Variants in DGKQ observed in about 807,000 individuals in gnomAD.
The protein encoded by DGKQ is diacylglycerol kinase theta, also known as DAG kinase theta.
In DGKQ, 97 loss-of-function variants were observed where a neutral mutation model predicts 104.2. That is an observed-to-expected ratio of 0.93 (90% CI 0.79 to 1.10). The LOEUF is 1.10. DGKQ is among the 50% of genes least tolerant of loss of function. The pLI is 0.00. For missense variants in DGKQ, 1,465 were observed against 1,352.1 expected (o/e 1.08, Z -1.31); for synonymous variants, 736 against 595.2 (o/e 1.24, Z -3.44).
In DGKQ at chr4:960,400, C is replaced by G. The variant is rs1216745784; in HGVS notation, c.*220G>C. On this transcript the variant is annotated 3_prime_UTR_variant, in exon 23 of 23. Coordinates refer to ENST00000273814, the MANE Select transcript of DGKQ (RefSeq NM_001347.4). ...ACGGGGTAACACTGCCACCCGCACA[C>G]CAGTCTCCAGTGGGATGAGGGCTGT... is the stretch of plus-strand genomic sequence containing the variant. 1.5e-5 allele frequency: 9 copies of G among 587,198 alleles called. No homozygotes were observed. The highest frequency in any genetic ancestry group is 2.4e-5 in the Non-Finnish European group (8 of 327,438). 36.4% of individuals were successfully genotyped at this position (587,198 alleles called of 1,614,324 possible).
In DGKQ at chr4:967,807, G is replaced by T. The variant is rs370072017; in HGVS notation, c.812-5C>A. The stretch of plus-strand genomic sequence containing the variant: ...CGGCGCCGTCGCCCCCCTCGCCTGC[G>T]GGTCGGGCACACGGACCCCTCATTC... On this transcript the variant is annotated splice_polypyrimidine_tract_variant and splice_region_variant and intron_variant, in intron 6 of 22. Transcript: ENST00000273814. 1 of 1,593,960 alleles carries T rather than the reference G, an allele frequency of 6.3e-7. No individual in the cohort carries two copies. Among genetic ancestry groups the T allele is most frequent in the South Asian group, 1.1e-5 (1 of 88,952 alleles).
At chr4:963,887 C>T (rs1045272620) in intron 15 of DGKQ, among the ~76,000 whole-genome samples, 7 of 152,146 alleles carry the variant, frequency 4.6e-5, no homozygotes. Flanking sequence ...CGACAGGAGG[C>T]TAGGGACCCT....
rs187117518 is a variant in DGKQ at position 960,597 on chromosome 4, C to A, written c.*23G>T. 12,276 of 1,600,968 alleles carry A rather than the reference C, an allele frequency of 7.7e-3. 63 individuals are homozygous for A. The highest frequency in any genetic ancestry group is 9.4e-3 in the Non-Finnish European group (11,011 of 1,171,834). On this transcript the variant is annotated 3_prime_UTR_variant, in exon 23 of 23. Transcript: ENST00000273814. ...CTGGCGGGAGCAGAGATGGCTCGAG[C>A]CCTTGGGCTGCCCCAGCCACCCCTA... is the stretch of plus-strand genomic sequence containing the variant.
Position 967,118 on chromosome 4 carries a change from C to T in DGKQ, c.1220+11G>A. 6.4e-7 allele frequency: 1 copy of T among 1,570,014 alleles called. No homozygotes were observed. The highest frequency in any genetic ancestry group is 8.6e-7 in the Non-Finnish European group (1 of 1,156,100). ...CGCCCAGCAGACCCTGAGCCTCGGG[C>T]CCAGTCTCACTTGAGCCAGCCAGGG... is the stretch of plus-strand genomic sequence containing the variant. On this transcript the variant is annotated intron_variant, in intron 9 of 22. Coordinates refer to ENST00000273814, the MANE Select transcript of DGKQ (RefSeq NM_001347.4).
chr4:968,602 C>T lies in DGKQ; in HGVS notation c.452-38G>A. On this transcript the variant is annotated intron_variant, in intron 3 of 22. Transcript: ENST00000273814. Reference sequence around the variant, plus strand: ...CAGGGTTAGAGGTGTCTGCCGCCCCCGGAGGACCCCTGCCTCTGCCGGTGC... The same window carrying T: ...CAGGGTTAGAGGTGTCTGCCGCCCCTGGAGGACCCCTGCCTCTGCCGGTGC... 6 of 1,549,932 alleles carry T rather than the reference C, an allele frequency of 3.9e-6. No individual in the cohort carries two copies. The South Asian group carries it at 4.8e-5, about 12-fold the overall frequency.
At chr4:963,321 G>A in intron 15 of DGKQ, 31 bp from the exon 16 acceptor site, 4 of 1,577,014 alleles carry the variant, frequency 2.5e-6, no homozygotes, top group Non-Finnish European at 3.5e-6. Context: ...TTAGGATGGG[G>A]ACCCAAGGTG....
rs1340723185 is a variant in DGKQ at position 970,153 on chromosome 4, G to A, written c.351+840C>T. ...GGAACTGCATCATTAGGAACAGGGC[G>A]TCAGACATTAGAGGGGACGGCGCAG... On this transcript the variant is annotated intron_variant, in intron 2 of 22. Transcript: ENST00000273814. Among the ~76,000 whole-genome samples, 4 of 152,342 alleles carry A rather than the reference G, an allele frequency of 2.6e-5. No individual in the cohort carries two copies. In the East Asian group the frequency reaches 7.7e-4, roughly 29 times the overall value.
intron 22 of DGKQ, 78 bp downstream of exon 22, chr4:960,971 C>T: frequency 1.3e-6 from 2 of 1,573,540 alleles, no homozygotes; most frequent in Admixed American, 1.9e-5. Flanking sequence ...GCCAGCACCA[C>T]CTGGGTACCA....
rs41286665 is a variant in DGKQ at position 969,021 on chromosome 4, G to T, written c.352-111C>A. 1,759 of 704,792 alleles carry T rather than the reference G, an allele frequency of 2.5e-3. 6 individuals carry two copies. The highest frequency in any genetic ancestry group is 4.0e-3 in the Middle Eastern group (16 of 4,012). 43.7% of individuals were successfully genotyped at this position (704,792 alleles called of 1,614,324 possible). ...GCAGCTCACGCTCCTGCTGAGAACT[G>T]CCCAGGCTGAGCCAGCTGTGCTAGC... On this transcript the variant is annotated intron_variant, in intron 2 of 22. Transcript: ENST00000273814.
Position 966,731 on chromosome 4 carries a change from A to C in DGKQ, c.1366+17T>G. ...AGGTGCAGGGACCGCCACGCCCAGC[A>C]CGGGCTGTCTACTCACCGTGCCTGC... On this transcript the variant is annotated intron_variant, in intron 11 of 22. Coordinates refer to ENST00000273814, the MANE Select transcript of DGKQ (RefSeq NM_001347.4). 1 of 1,603,370 alleles carries C rather than the reference A, an allele frequency of 6.2e-7. No homozygotes were observed. The highest frequency in any genetic ancestry group is 1.3e-5 in the African/African-American group (1 of 74,804).
Position 961,774 on chromosome 4 carries a change from G to A in DGKQ, c.2376C>T (p.Ser792=). ...CCTGCAGCCGGATCTGCTTGTGCAG[G>A]CTCCGAGAGTGACTGATCTTCTGCA... ...VGLQKISHSR[S]LHKQIRLQVE... is the part of the protein sequence containing the mutation. The change falls in exon 20 of 23, where the codon AGC becomes AGT. Residue 792 remains serine (S), a synonymous_variant. Coordinates refer to ENST00000273814, the MANE Select transcript of DGKQ (RefSeq NM_001347.4). The A allele has an allele frequency of 2.5e-6, 4 of 1,611,644 alleles. No individual in the cohort carries two copies. Among genetic ancestry groups the A allele is most frequent in the Non-Finnish European group, 3.4e-6 (4 of 1,179,428 alleles).
Position 971,496 on chromosome 4 carries a change from C to G in DGKQ, c.272-424G>C, listed in dbSNP as rs1011379453. 6.6e-6 allele frequency among the ~76,000 whole-genome samples: 1 copy of G among 152,216 alleles called. No individual in the cohort carries two copies. The highest frequency in any genetic ancestry group is 1.9e-4 in the East Asian group (1 of 5,188). On this transcript the variant is annotated intron_variant, in intron 1 of 22. Transcript: ENST00000273814. This position sits in a 1 kb window ranked among gnomAD's most constrained non-coding sequence, Gnocchi z 4.0. ...CACTCCCCCGAAACTACGCATACCC[C>G]TAATTGTCCCTGCTACGTGCTGTGC...
rs375982933 is a variant in DGKQ, at chr4:962,384, G to A, written c.2214+51C>T. The A allele has an allele frequency of 7.9e-4, 1,184 of 1,494,270 alleles. 1 individual carries two copies. The highest frequency in any genetic ancestry group is 9.8e-4 in the Non-Finnish European group (1,093 of 1,115,716). The allele number at this position is 1,494,270 out of a possible 1,614,324, so 92.6% of individuals were successfully genotyped here. A position where few individuals can be genotyped will look rare whatever the true frequency, so the allele number is the denominator to read the frequency against. ...GGACGCCCGTTGTGACGCGTGTAGC[G>A]GGGTCATATGCAGGAGCCTGGAAGG... On this transcript the variant is annotated intron_variant, in intron 18 of 22. Coordinates refer to ENST00000273814, the MANE Select transcript of DGKQ (RefSeq NM_001347.4).
At position 959,910 on chromosome 4, in the gene DGKQ, A is replaced by C. The variant is rs4690326; in HGVS notation, c.*710T>G. ...CACGTGGACAGAGGTTCTCCTCCCC[A>C]AGCAGAGGCACTAGGAAAGGGCCAC... On this transcript the variant is annotated 3_prime_UTR_variant, in exon 23 of 23. Transcript: ENST00000273814. 81,125 of 151,992 alleles carry C rather than the reference A, an allele frequency of 0.53. 21,781 individuals are homozygous for C. Among genetic ancestry groups the C allele is most frequent in the Admixed American group, 0.58 (8,936 of 15,290 alleles). 9.4% of individuals were successfully genotyped at this position (151,992 alleles called of 1,614,324 possible). A position where few individuals can be genotyped will look rare whatever the true frequency, so the allele number is the denominator to read the frequency against.
At position 962,866 on chromosome 4, in the gene DGKQ, A is replaced by G. The variant is rs749925605; in HGVS notation, c.1941T>C (p.Asp647=). 1.2e-5 allele frequency: 20 copies of G among 1,608,702 alleles called. No individual in the cohort carries two copies. In the South Asian group the frequency reaches 2.1e-4, roughly 17 times the overall value. ...PCFRVLVCGG[D]GTVGWVLGAL... is the part of the protein sequence containing the mutation. ...CGCCAAGCACCCAGCCCACAGTGCC[A>G]TCGCCACCACACACCAGCACCCGGA... The change falls in exon 17 of 23, where the codon GAT becomes GAC. Residue 647 remains aspartate (D), a synonymous_variant. Transcript: ENST00000273814.
At position 965,024 on chromosome 4, in the gene DGKQ, A is replaced by G. The variant is rs188909437; in HGVS notation, c.1734+152T>C. 948 of 636,970 alleles carry G rather than the reference A, an allele frequency of 1.5e-3. 3 individuals are homozygous for G. The highest frequency in any genetic ancestry group is 2.6e-3 in the Admixed American group (98 of 38,194). 39.5% of individuals were successfully genotyped at this position (636,970 alleles called of 1,614,324 possible). On this transcript the variant is annotated intron_variant, in intron 15 of 22. Transcript: ENST00000273814. ...CTTCCTGCTGTTGTGAGGCACAAACAAGGTGGCACCTACAAGCCCCCAGTG... is the reference window on the plus strand; with the variant it reads ...CTTCCTGCTGTTGTGAGGCACAAACGAGGTGGCACCTACAAGCCCCCAGTG...
intron 18 of DGKQ, 73 bp from the exon 19 acceptor site, chr4:962,155 C>T (rs1711935246): frequency 4.4e-6 from 6 of 1,352,942 alleles, no homozygotes; most frequent in South Asian, 1.2e-5. Context: ...AACAGCTCTG[C>T]CGGCAGGCAG....
Position 971,524 on chromosome 4 carries a change from C to T in DGKQ, c.272-452G>A, listed in dbSNP as rs960426504. On this transcript the variant is annotated intron_variant, in intron 1 of 22. Coordinates refer to ENST00000273814, the MANE Select transcript of DGKQ (RefSeq NM_001347.4). This position sits in a 1 kb window ranked among gnomAD's most constrained non-coding sequence, Gnocchi z 4.0. ...ATTGTCCCTGCTACGTGCTGTGCACCGTGCCTGAGACCGAGAGCCACCCAA... is the reference window on the plus strand; with the variant it reads ...ATTGTCCCTGCTACGTGCTGTGCACTGTGCCTGAGACCGAGAGCCACCCAA... 6.6e-6 allele frequency among the ~76,000 whole-genome samples: 1 copy of T among 152,154 alleles called. No homozygotes were observed. The highest frequency in any genetic ancestry group is 2.4e-5 in the African/African-American group (1 of 41,438).
At position 967,725 on chromosome 4, in the gene DGKQ, T is replaced by C; in HGVS notation, c.886+3A>G. 6.2e-7 allele frequency: 1 copy of C among 1,611,496 alleles called. No individual in the cohort carries two copies. The highest frequency in any genetic ancestry group is 8.5e-7 in the Non-Finnish European group (1 of 1,179,332). The stretch of plus-strand genomic sequence containing the variant: ...AGTTGGGGGGAATGAGGCGGGCACT[T>C]ACCGGACTCCGGAGTTGCCTGTGTC... On this transcript the variant is annotated splice_donor_region_variant and intron_variant, in intron 7 of 22. Coordinates refer to ENST00000273814, the MANE Select transcript of DGKQ (RefSeq NM_001347.4).
Sources: allele counts gnomAD v4.1 joint callset (sites outside exome capture counted in the v4.1 genomes callset), GRCh38; gene constraint gnomAD v4.1.1; non-coding constraint Gnocchi (gnomAD v3.1); transcripts MANE v1.5; gene names NCBI Gene and HGNC (gene_info 2026-07-23, HGNC 2026-07-21).